Variants in PTPRD observed in about 807,000 individuals in gnomAD.
PTPRD encodes protein tyrosine phosphatase receptor type D, also known as receptor-type tyrosine-protein phosphatase delta.
A neutral mutation model predicts 214.5 loss-of-function variants in PTPRD; 34 were observed. That is an observed-to-expected ratio of 0.16 (90% CI 0.12 to 0.21). The LOEUF is 0.21. Ranked by LOEUF, PTPRD falls within the 10% of genes least tolerant of loss-of-function variation. The pLI, the probability that PTPRD is intolerant of heterozygous loss-of-function variation, is 1.00. For missense variants in PTPRD, 2,545 were observed against 2,398.7 expected, an observed-to-expected ratio of 1.06 and a Z score of -1.27; for synonymous variants, 1,128 against 845.7, an observed-to-expected ratio of 1.33 and a Z score of -5.79.
intron 5 of PTPRD, among the ~76,000 whole-genome samples, chr9:9,839,718 G>C (rs1477228617): frequency 1.3e-5 from 2 of 152,098 alleles, no homozygotes; most frequent in Admixed American, 6.5e-5. Flanking sequence ...AGTTCGTATG[G>C]AACCAAAAAA....
At chr9:9,883,067 C>T (rs77811443) in intron 5 of PTPRD, among the ~76,000 whole-genome samples, 1 of 152,134 alleles carries the variant, frequency 6.6e-6, no homozygotes, top group East Asian at 1.9e-4. Context: ...GTACAGCCTT[C>T]AGAACTATGA....
At chr9:8,356,317 C>A (rs546446065) in intron 39 of PTPRD, among the ~76,000 whole-genome samples, 3 of 152,124 alleles carry the variant, frequency 2.0e-5, no homozygotes, top group African/African-American at 7.2e-5. Flanking sequence ...GCAATAGAAC[C>A]CAGATTGGAA....
chr9:9,241,822 T>C lies in PTPRD; in HGVS notation c.-202-58459A>G, dbSNP rs548942917. Reference sequence around the variant, plus strand: ...CAATTTGCCAGTCTGTGTCTTTTAATTGGAGCATTTAGCCCATTTACACTG... The same window carrying C: ...CAATTTGCCAGTCTGTGTCTTTTAACTGGAGCATTTAGCCCATTTACACTG... On this transcript the variant is annotated intron_variant, in intron 9 of 45. Transcript: ENST00000381196. Among the ~76,000 whole-genome samples the C allele has an allele frequency of 1.6e-4, 25 of 152,114 alleles. No homozygotes were observed. The South Asian group carries it at 3.9e-3, about 24-fold the overall frequency.
At chr9:10,027,082 A>G (rs977893238) in intron 4 of PTPRD, among the ~76,000 whole-genome samples, 9 of 152,160 alleles carry the variant, frequency 5.9e-5, no homozygotes, top group Non-Finnish European at 8.8e-5. Context: ...CTTTCTATTA[A>G]TTCAGTTCAC....
intron 2 of PTPRD, among the ~76,000 whole-genome samples, chr9:10,375,115 GA>G (rs2097702616): frequency 6.6e-6 from 1 of 151,812 alleles, no homozygotes; most frequent in African/African-American, 2.4e-5. Context: ...CAAAGAATCT[GA>G]AAAAAATAGA....
chr9:9,581,525 GA>G (rs531008447), intron 7 of PTPRD, among the ~76,000 whole-genome samples: 1 of 152,018 alleles, frequency 6.6e-6, no homozygotes, highest in African/African-American at 2.4e-5. Flanking sequence ...ACATATTTGG[GA>G]AAAAATGTAG....
rs1554913850 is a variant in PTPRD at position 9,175,641 on chromosome 9, A to AACAAAC, written c.-143+7662_-143+7663insGTTTGT. 4.3e-5 allele frequency among the ~76,000 whole-genome samples: 6 copies of AACAAAC among 140,364 alleles called. 1 individual carries two copies. Among genetic ancestry groups the AACAAAC allele is most frequent in the South Asian group, 4.5e-4 (2 of 4,458 alleles). The allele number at this position is 140,364 out of a possible 152,430, so 92.1% of individuals were successfully genotyped here. On this transcript the variant is annotated intron_variant, in intron 10 of 45. Coordinates refer to ENST00000381196, the MANE Select transcript of PTPRD (RefSeq NM_002839.4). Reference sequence around the variant, plus strand: ...CTGTCTCAAAAAAAAAAAAAAAAAAAAAAAAAAAAGAGTTTTAACAATTCT... The same window carrying AACAAAC: ...CTGTCTCAAAAAAAAAAAAAAAAAAAACAAACAAAAAAAAAGAGTTTTAACAATTCT...
intron 14 of PTPRD, among the ~76,000 whole-genome samples, chr9:8,556,353 G>C (rs533357820): frequency 1.3e-5 from 2 of 152,146 alleles, no homozygotes; most frequent in African/African-American, 4.8e-5. Context: ...ACTTAACCAT[G>C]AATGTTTTTC....
At chr9:9,794,667 C>T (rs1293027718) in intron 5 of PTPRD, among the ~76,000 whole-genome samples, 1 of 152,040 alleles carries the variant, frequency 6.6e-6, no homozygotes, top group Non-Finnish European at 1.5e-5. Flanking sequence ...TTCAAAAGAG[C>T]CCTGAAATAT....
chr9:8,830,565 G>A (rs2097266899), intron 11 of PTPRD, among the ~76,000 whole-genome samples: 1 of 152,078 alleles, frequency 6.6e-6, no homozygotes, highest in African/African-American at 2.4e-5. Flanking sequence ...AGAAAAGTGA[G>A]GACCATGATC....
intron 9 of PTPRD, among the ~76,000 whole-genome samples, chr9:9,302,366 G>A (rs1018749846): frequency 6.6e-6 from 1 of 151,744 alleles, no homozygotes; most frequent in African/African-American, 2.4e-5. Flanking sequence ...TTATTGATAG[G>A]CAGCTCTCTT....
intron 11 of PTPRD, among the ~76,000 whole-genome samples, chr9:8,929,771 ATATATATGGGTGTG>A (rs2098933977): frequency 6.9e-5 from 5 of 72,184 alleles, no homozygotes; most frequent in South Asian, 9.5e-4. Flanking sequence ...ATATATGTGT[ATATATATGGGTGTG>A]TATATATGTG....
rs926154957 is a variant in PTPRD, at chr9:10,190,590, C to T, written c.-545+150373G>A. Reference sequence around the variant, plus strand: ...AAAACTACCCATGTGTGATGGTGGGCGCCTGTAATTCCAACTGCTCGGGAG... The same window carrying T: ...AAAACTACCCATGTGTGATGGTGGGTGCCTGTAATTCCAACTGCTCGGGAG... On this transcript the variant is annotated intron_variant, in intron 3 of 45. Coordinates refer to ENST00000381196, the MANE Select transcript of PTPRD (RefSeq NM_002839.4). 2.0e-5 allele frequency among the ~76,000 whole-genome samples: 3 copies of T among 150,684 alleles called. No homozygotes were observed. In the East Asian group the frequency reaches 5.9e-4, roughly 30 times the overall value.
intron 21 of PTPRD, among the ~76,000 whole-genome samples, chr9:8,511,267 CA>C (rs1014818905): frequency 6.6e-6 from 1 of 151,962 alleles, no homozygotes; most frequent in Non-Finnish European, 1.5e-5. Flanking sequence ...GACAGGGTCT[CA>C]ATATGTTGCA....
At chr9:10,351,875 C>G (rs1924083) in intron 2 of PTPRD, among the ~76,000 whole-genome samples, 17,830 of 151,882 alleles carry the variant, frequency 0.12, 1,176 homozygotes, top group Non-Finnish European at 0.15. Flanking sequence ...GGGGATGGGT[C>G]ACAAATGGAG....
intron 8 of PTPRD, among the ~76,000 whole-genome samples, chr9:9,465,581 A>G (rs375775093): frequency 6.6e-6 from 1 of 152,230 alleles, no homozygotes; most frequent in Admixed American, 6.5e-5. Flanking sequence ...TTCTGTCTCT[A>G]CAGGACAGTT....
At chr9:9,960,377 C>G (rs1016042643) in intron 4 of PTPRD, among the ~76,000 whole-genome samples, 19 of 152,232 alleles carry the variant, frequency 1.2e-4, no homozygotes, top group African/African-American at 3.9e-4. Flanking sequence ...TGTAGCTACT[C>G]TATCTCAAGA....
At chr9:9,158,968 G>A (rs10816053) in intron 10 of PTPRD, among the ~76,000 whole-genome samples, 93,080 of 151,854 alleles carry the variant, frequency 0.61, 29,900 homozygotes, top group Non-Finnish European at 0.73. Flanking sequence ...CCAAATTATC[G>A]TCCCAAAACA....
chr9:9,984,158 C>G (rs1393352352), intron 4 of PTPRD, among the ~76,000 whole-genome samples: 1 of 151,960 alleles, frequency 6.6e-6, no homozygotes, highest in Admixed American at 6.5e-5. Flanking sequence ...AAATAGCATT[C>G]ATTAATAATT....
Sources: gnomAD v4.1 joint callset for allele counts (sites outside exome capture counted in the v4.1 genomes callset) on GRCh38, gnomAD v4.1.1 for gene constraint, MANE v1.5 for transcripts, NCBI Gene and HGNC (gene_info 2026-07-23, HGNC 2026-07-21) for gene names.